Variants in XYLT1 observed in about 807,000 individuals in gnomAD.
XYLT1 encodes the protein xylosyltransferase 1, also known as beta-D-xylosyltransferase 1.
Under a neutral mutation model 91.3 loss-of-function variants are expected in XYLT1, and 36 were observed. The observed-to-expected ratio is 0.39, with a 90% CI of 0.30 to 0.52. The LOEUF is 0.52. Among genes scored for constraint, XYLT1 ranks in the 20% least tolerant of loss-of-function variants. The pLI, the probability that XYLT1 is intolerant of heterozygous loss-of-function variation, is 0.68. For synonymous variants in XYLT1, 588 were observed against 532.0 expected, an observed-to-expected ratio of 1.11 and a Z score of -1.45; for missense variants, 1,242 against 1,284.5, an observed-to-expected ratio of 0.97 and a Z score of 0.51.
At chr16:17,398,240 T>C (rs1266457553) in intron 1 of XYLT1, among the ~76,000 whole-genome samples, 1 of 152,150 alleles carries the variant, frequency 6.6e-6, no homozygotes, top group Non-Finnish European at 1.5e-5. Flanking sequence ...TGGGCAAATC[T>C]ACTGAATCCA....
chr16:17,371,591 T>C (rs1317224251), intron 1 of XYLT1, among the ~76,000 whole-genome samples: 1 of 152,216 alleles, frequency 6.6e-6, no homozygotes, highest in Non-Finnish European at 1.5e-5. Flanking sequence ...TGATGAGCTA[T>C]GGTCTGTTAG....
intron 1 of XYLT1, among the ~76,000 whole-genome samples, chr16:17,444,512 C>CT (rs56872670): frequency 0.22 from 32,307 of 143,596 alleles, 4,005 homozygotes; most frequent in African/African-American, 0.35. Flanking sequence ...ACTTCTTCTT[C>CT]TTTTTTTTTT....
intron 5 of XYLT1, among the ~76,000 whole-genome samples, chr16:17,184,918 C>A (rs954980172): frequency 4.6e-5 from 7 of 152,188 alleles, no homozygotes; most frequent in African/African-American, 1.7e-4. Context: ...AACAATACAA[C>A]TAAAAGTTAT....
At chr16:17,284,283 C>T (rs571186198) in intron 2 of XYLT1, among the ~76,000 whole-genome samples, 27 of 152,302 alleles carry the variant, frequency 1.8e-4, no homozygotes, top group African/African-American at 6.5e-4. Flanking sequence ...TTCTATTTCT[C>T]ATTCATTCAT....
rs1463859003 is a variant in XYLT1, at chr16:17,158,443, A to G, written c.1370+386T>C. The stretch of plus-strand genomic sequence containing the variant: ...TGGCACACGCCCATGCTTGTTAAGT[A>G]TTTGAATGAGTGGCTGACTGAATGA... On this transcript the variant is annotated intron_variant, in intron 6 of 11. Transcript: ENST00000261381. Among the ~76,000 whole-genome samples, 3 of 152,216 alleles carry G rather than the reference A, an allele frequency of 2.0e-5. No individual in the cohort carries two copies. In the East Asian group the frequency reaches 5.8e-4, roughly 29 times the overall value.
chr16:17,165,556 G>A (rs1459165707), intron 5 of XYLT1, among the ~76,000 whole-genome samples: 1 of 152,134 alleles, frequency 6.6e-6, no homozygotes, highest in African/African-American at 2.4e-5. Flanking sequence ...AGCCAGGCAT[G>A]GTAGTGGGCG....
intron 1 of XYLT1, among the ~76,000 whole-genome samples, chr16:17,458,251 G>A (rs2036770688): frequency 6.6e-6 from 1 of 152,190 alleles, no homozygotes; most frequent in South Asian, 2.1e-4. Flanking sequence ...CCCTGGTTCT[G>A]AATAGGAGAG....
At chr16:17,165,237 G>C (rs918927915) in intron 5 of XYLT1, among the ~76,000 whole-genome samples, 4 of 152,192 alleles carry the variant, frequency 2.6e-5, no homozygotes, top group African/African-American at 7.2e-5. Flanking sequence ...ACAACCCTAA[G>C]AGGTAGATGC....
At chr16:17,258,334 G>A (rs929816931) in intron 3 of XYLT1, among the ~76,000 whole-genome samples, 1 of 151,162 alleles carries the variant, frequency 6.6e-6, no homozygotes, top group African/African-American at 2.4e-5. Context: ...AGGAAGAAAG[G>A]AAATAGGAAA....
intron 3 of XYLT1, among the ~76,000 whole-genome samples, chr16:17,252,537 C>A (rs1484145601): frequency 6.6e-6 from 1 of 152,214 alleles, no homozygotes; most frequent in Non-Finnish European, 1.5e-5. Context: ...AGTGGACAGC[C>A]AGAGGAATCC....
At chr16:17,383,873 G>C (rs898213201) in intron 1 of XYLT1, among the ~76,000 whole-genome samples, 7 of 151,116 alleles carry the variant, frequency 4.6e-5, no homozygotes, top group Non-Finnish European at 1.0e-4. Context: ...TCAGCCTCTC[G>C]AGTAGCTGGG....
intron 3 of XYLT1, among the ~76,000 whole-genome samples, chr16:17,232,791 C>G (rs2033187149): frequency 6.6e-6 from 1 of 151,450 alleles, no homozygotes; most frequent in Non-Finnish European, 1.5e-5. Context: ...GAGGTGGCGG[C>G]CTTCGTCATG....
At chr16:17,388,391 C>T (rs1325240908) in intron 1 of XYLT1, among the ~76,000 whole-genome samples, 1 of 152,040 alleles carries the variant, frequency 6.6e-6, no homozygotes, top group African/African-American at 2.4e-5. Context: ...ATGTAGAGGA[C>T]CAGAGAGAGT....
chr16:17,143,527 T>C (rs2031043121), intron 6 of XYLT1, among the ~76,000 whole-genome samples: 1 of 152,084 alleles, frequency 6.6e-6, no homozygotes, highest in Non-Finnish European at 1.5e-5. Flanking sequence ...CTCTATTGTA[T>C]GAATGCTTCT....
chr16:17,294,566 G>T (rs922379345), intron 2 of XYLT1, among the ~76,000 whole-genome samples: 4 of 152,134 alleles, frequency 2.6e-5, no homozygotes, highest in African/African-American at 9.7e-5. Flanking sequence ...TGTGTTGTAA[G>T]GGCTTTTAGG....
intron 2 of XYLT1, among the ~76,000 whole-genome samples, chr16:17,265,874 C>T (rs753316308): frequency 2.0e-5 from 3 of 152,110 alleles, no homozygotes; most frequent in Non-Finnish European, 4.4e-5. Flanking sequence ...TCCACCTTTG[C>T]TCTTATTGTT....
chr16:17,303,070 C>A (rs1199153253), intron 2 of XYLT1, among the ~76,000 whole-genome samples: 1 of 150,842 alleles, frequency 6.6e-6, no homozygotes, highest in African/African-American at 2.5e-5. Context: ...TCTTGAAAGA[C>A]AGACCACTCA....
intron 2 of XYLT1, among the ~76,000 whole-genome samples, chr16:17,271,989 G>T (rs1368141664): frequency 2.0e-5 from 3 of 152,162 alleles, no homozygotes; most frequent in Admixed American, 6.5e-5. Flanking sequence ...GAGGGAGGAG[G>T]CTGGCTGGGG....
chr16:17,433,021 T>C (rs1348558450), intron 1 of XYLT1, among the ~76,000 whole-genome samples: 1 of 151,754 alleles, frequency 6.6e-6, no homozygotes, highest in Admixed American at 6.6e-5. Context: ...CCCAACCCAA[T>C]CCCAGCCCAG....
Sources: gnomAD v4.1 joint callset for allele counts (sites outside exome capture counted in the v4.1 genomes callset) on GRCh38, gnomAD v4.1.1 for gene constraint, MANE v1.5 for transcripts, NCBI Gene and HGNC (gene_info 2026-07-23, HGNC 2026-07-21) for gene names.